The following CLVS1 variants were observed in gnomAD, a reference collection of about 807,000 sequenced individuals.
CLVS1 encodes the protein clavesin-1.
Under a neutral mutation model 33.1 loss-of-function variants are expected in CLVS1, and 10 were observed. The ratio of observed to expected loss-of-function variants is 0.30; its 90% CI spans 0.19 to 0.51. The LOEUF is 0.51. Among genes scored for constraint, CLVS1 ranks in the 20% least tolerant of loss-of-function variants. The pLI, the probability that CLVS1 is intolerant of heterozygous loss-of-function variation, is 0.97. For missense variants in CLVS1, 343 were observed against 433.4 expected, an observed-to-expected ratio of 0.79 and a Z score of 1.85; for synonymous variants, 163 against 166.1, an observed-to-expected ratio of 0.98 and a Z score of 0.14.
chr8:61,300,397 G>A (rs898358899), intron 2 of CLVS1, 115 bp downstream of exon 2: 10 of 965,198 alleles, frequency 1.0e-5, no homozygotes, highest in Non-Finnish European at 1.5e-5. Flanking sequence ...TATTTCACAT[G>A]TTCACCAAGG....
chr8:61,475,618 C>G (rs1271476191), intron 5 of CLVS1, among the ~76,000 whole-genome samples: 2 of 152,058 alleles, frequency 1.3e-5, no homozygotes, highest in African/African-American at 4.8e-5. Context: ...CTGTTCATAT[C>G]CTTTGTCCAC....
intron 1 of CLVS1, among the ~76,000 whole-genome samples, chr8:61,294,235 C>T (rs569284126): frequency 3.3e-5 from 5 of 152,060 alleles, no homozygotes; most frequent in African/African-American, 4.8e-5. Context: ...TTGGACAAAA[C>T]GTGGGTAAAG....
intron 2 of CLVS1, among the ~76,000 whole-genome samples, chr8:61,163,312 A>G (rs1239812215): frequency 4.6e-5 from 7 of 152,182 alleles, no homozygotes; most frequent in Non-Finnish European, 1.0e-4. Flanking sequence ...TCTTACCTTG[A>G]TGAAAAATTT....
At chr8:61,118,808 G>C (rs1227883327) in intron 1 of CLVS1, among the ~76,000 whole-genome samples, 1 of 152,174 alleles carries the variant, frequency 6.6e-6, no homozygotes, top group African/African-American at 2.4e-5. Context: ...GGTCAGTTTT[G>C]GAAGAGGTGT....
At chr8:61,013,348 G>A in the CLVS1 span, among the ~76,000 whole-genome samples, 2 of 152,216 alleles carry the variant, frequency 1.3e-5, no homozygotes, top group African/African-American at 2.4e-5. Context: ...CTGGTCCCCA[G>A]CTGTGGCTGA....
At chr8:61,192,872 A>C (rs1195711441) in intron 2 of CLVS1, among the ~76,000 whole-genome samples, 4 of 147,444 alleles carry the variant, frequency 2.7e-5, no homozygotes, top group Non-Finnish European at 3.0e-5. Context: ...AGGAAACAGC[A>C]GGTGCTGGAG....
intron 1 of CLVS1, among the ~76,000 whole-genome samples, chr8:61,126,996 G>T (rs1036382243): frequency 6.6e-6 from 1 of 152,240 alleles, no homozygotes; most frequent in African/African-American, 2.4e-5. Context: ...TTACCTTCCT[G>T]CAGTGTGAGA....
At chr8:60,967,078 T>C in the CLVS1 span, among the ~76,000 whole-genome samples, 1 of 152,212 alleles carries the variant, frequency 6.6e-6, no homozygotes, top group East Asian at 1.9e-4. Flanking sequence ...ATACCATAGT[T>C]TCTGTGATAA....
upstream of CLVS1, among the ~76,000 whole-genome samples, chr8:61,286,372 G>T (rs530359438): frequency 6.6e-6 from 1 of 152,280 alleles, no homozygotes; most frequent in South Asian, 2.1e-4. Flanking sequence ...TAGCCCCTAT[G>T]GAGCCATAGA....
chr8:60,995,615 G>T, the CLVS1 span, among the ~76,000 whole-genome samples: 1 of 152,152 alleles, frequency 6.6e-6, no homozygotes, highest in Non-Finnish European at 1.5e-5. Context: ...GATTCCTCAG[G>T]GATCTAGAAC....
intron 5 of CLVS1, among the ~76,000 whole-genome samples, chr8:61,494,942 C>A (rs1270425372): frequency 6.6e-6 from 1 of 152,040 alleles, no homozygotes; most frequent in Non-Finnish European, 1.5e-5. Flanking sequence ...AAATGTAAAC[C>A]AGGAAAATAA....
intron 1 of CLVS1, among the ~76,000 whole-genome samples, chr8:61,071,521 A>G (rs1023913237): frequency 1.3e-5 from 2 of 152,194 alleles, no homozygotes; most frequent in African/African-American, 4.8e-5. Flanking sequence ...TTTAGGGTCT[A>G]CCTAGATGGT....
intron 2 of CLVS1, among the ~76,000 whole-genome samples, chr8:61,165,592 C>T (rs1267417877): frequency 1.3e-5 from 2 of 152,340 alleles, no homozygotes; most frequent in African/African-American, 4.8e-5. Context: ...CCCAACTAGG[C>T]TTAGGGATTC....
chr8:61,454,175 T>C lies in CLVS1; in HGVS notation c.665T>C (p.Phe222Ser), dbSNP rs1563559922. The change falls in exon 4 of 6, where the codon TTT becomes TCT. Residue 222 changes from phenylalanine (F) to serine (S), a missense_variant. Phe to Ser is a radical substitution (Grantham distance 155, BLOSUM62 -2). Coordinates refer to ENST00000325897, the MANE Select transcript of CLVS1 (RefSeq NM_173519.3). ...SFPARFGGVHFVNQPWYIHAL... is the reference protein window; with the variant it reads ...SFPARFGGVHSVNQPWYIHAL... Reference sequence around the variant, plus strand: ...CCTGCCCGCTTTGGAGGAGTCCACTTTGTCAACCAGCCCTGGTACATTCAT... The same window carrying C: ...CCTGCCCGCTTTGGAGGAGTCCACTCTGTCAACCAGCCCTGGTACATTCAT... 2 of 1,614,026 alleles carry C rather than the reference T, an allele frequency of 1.2e-6. No homozygotes were observed. Among genetic ancestry groups the C allele is most frequent in the Non-Finnish European group, 1.7e-6 (2 of 1,179,992 alleles).
chr8:61,088,217 G>A (rs1314011457), intron 1 of CLVS1, among the ~76,000 whole-genome samples: 1 of 152,180 alleles, frequency 6.6e-6, no homozygotes, highest in East Asian at 1.9e-4. Flanking sequence ...GGCCGGGCAC[G>A]ATGGCTCACG....
chr8:61,015,507 G>C, the CLVS1 span, among the ~76,000 whole-genome samples: 1 of 152,186 alleles, frequency 6.6e-6, no homozygotes, highest in Non-Finnish European at 1.5e-5. Flanking sequence ...CCAATGTCAG[G>C]CTTTCTTCAG....
At chr8:61,166,622 T>G (rs1453083659) in intron 2 of CLVS1, among the ~76,000 whole-genome samples, 2 of 152,144 alleles carry the variant, frequency 1.3e-5, no homozygotes, top group Admixed American at 1.3e-4. Flanking sequence ...TAAAAAAAAT[T>G]TTTTTGATTA....
chr8:61,371,725 A>T (rs1456968757), intron 2 of CLVS1, among the ~76,000 whole-genome samples: 1 of 152,206 alleles, frequency 6.6e-6, no homozygotes, highest in Non-Finnish European at 1.5e-5. Context: ...ACTAATTTCC[A>T]CTATTTTGTA....
intron 2 of CLVS1, among the ~76,000 whole-genome samples, chr8:61,331,460 TTTATTA>T (rs776818479): frequency 6.6e-6 from 1 of 151,662 alleles, no homozygotes; most frequent in Non-Finnish European, 1.5e-5. Context: ...TTCCCTGGGC[TTTATTA>T]TTATTATTAT....
Sources: gnomAD v4.1 joint callset for allele counts (sites outside exome capture counted in the v4.1 genomes callset) on GRCh38, gnomAD v4.1.1 for gene constraint, MANE v1.5 for transcripts, NCBI Gene and HGNC (gene_info 2026-07-23, HGNC 2026-07-21) for gene names.